RBM27: variants seen among roughly 807,000 people sequenced by gnomAD.
RBM27 encodes RNA binding motif protein 27.
RBM27 carries 22 observed loss-of-function variants against 135.3 expected under a neutral mutation model. The observed-to-expected ratio is 0.16, with a 90% CI of 0.12 to 0.23. The LOEUF (loss-of-function observed/expected upper bound fraction) is 0.23, where lower values mean the gene tolerates loss of function less well. Among genes scored for constraint, RBM27 ranks in the 10% least tolerant of loss-of-function variants. RBM27 has a pLI of 1.00. For synonymous variants in RBM27, 481 were observed against 442.4 expected, an observed-to-expected ratio of 1.09 and a Z score of -1.10; for missense variants, 1,009 against 1,281.0, an observed-to-expected ratio of 0.79 and a Z score of 3.24.
intron 20 of RBM27, among the ~76,000 whole-genome samples, chr5:146,285,123 G>T (rs1345198160): frequency 6.6e-6 from 1 of 152,004 alleles, no homozygotes; most frequent in Non-Finnish European, 1.5e-5. Context: ...TGTACAATTG[G>T]TTAAAATCAG....
intron 8 of RBM27, among the ~76,000 whole-genome samples, chr5:146,242,420 T>G (rs965269138): frequency 6.6e-6 from 1 of 152,234 alleles, no homozygotes; most frequent in Non-Finnish European, 1.5e-5. Context: ...TTGAAAGTTA[T>G]AGAATATTCA....
At chr5:146,241,518 G>A (rs1424349929) in intron 8 of RBM27, among the ~76,000 whole-genome samples, 3 of 152,196 alleles carry the variant, frequency 2.0e-5, no homozygotes, top group African/African-American at 7.2e-5. Flanking sequence ...GTCTTACTCT[G>A]TTGCCCAGGC....
At chr5:146,228,282 C>CTTTTTTTTTTTTTTTTTTTTTCTTTTT (rs1043361050) in intron 3 of RBM27, among the ~76,000 whole-genome samples, 1 of 111,858 alleles carries the variant, frequency 8.9e-6, no homozygotes. Flanking sequence ...ACCATTCTTT[C>CTTTTTTTTTTTTTTTTTTTTTCTTTTT]TTTTTTTTTT....
At chr5:146,246,144 A>G (rs900172814) in intron 8 of RBM27, among the ~76,000 whole-genome samples, 1 of 152,208 alleles carries the variant, frequency 6.6e-6, no homozygotes, top group Non-Finnish European at 1.5e-5. Context: ...GGTACCTTGT[A>G]TTCTAATCAA....
In RBM27 at chr5:146,238,534, C is replaced by T. The variant is rs139952689; in HGVS notation, c.1279+1102C>T. Among the ~76,000 whole-genome samples, 612 of 152,156 alleles carry T rather than the reference C, an allele frequency of 4.0e-3. 6 individuals are homozygous for T. The highest frequency in any genetic ancestry group is 0.014 in the African/African-American group (577 of 41,518). On this transcript the variant is annotated intron_variant, in intron 8 of 20. Coordinates refer to ENST00000265271, the MANE Select transcript of RBM27 (RefSeq NM_018989.2). ...GAAAACAAAAAACAAAATGATTTTTCTGGAATCCTAATTCTCTTTTGTTTC... is the reference window on the plus strand; with the variant it reads ...GAAAACAAAAAACAAAATGATTTTTTTGGAATCCTAATTCTCTTTTGTTTC...
chr5:146,263,681 A>G, intron 14 of RBM27, 50 bp downstream of exon 14: 13 of 1,588,188 alleles, frequency 8.2e-6, no homozygotes, highest in Non-Finnish European at 1.1e-5. Flanking sequence ...TCAGTGAATT[A>G]ACAGAATAAA....
At chr5:146,264,695 C>T in intron 14 of RBM27, among the ~76,000 whole-genome samples, 1 of 143,560 alleles carries the variant, frequency 7.0e-6, no homozygotes, top group East Asian at 2.0e-4. Flanking sequence ...AAGAAAACTG[C>T]TATCCCAAAA....
intron 8 of RBM27, among the ~76,000 whole-genome samples, chr5:146,240,112 G>T (rs1757339533): frequency 6.6e-6 from 1 of 151,868 alleles, no homozygotes; most frequent in South Asian, 2.1e-4. Context: ...TTCCTTCTTG[G>T]CAATCTTTGT....
At chr5:146,217,464 G>GTTTTTTTTTTTTTTTTTTTT (rs545963169) in intron 1 of RBM27, among the ~76,000 whole-genome samples, 3 of 70,768 alleles carry the variant, frequency 4.2e-5, no homozygotes, top group African/African-American at 1.8e-4. Flanking sequence ...GCTGAAGCCT[G>GTTTTTTTTTTTTTTTTTTTT]TTTTTTTTTT....
At chr5:146,284,853 G>A in intron 20 of RBM27, 121 bp downstream of exon 20, 1 of 596,644 alleles carries the variant, frequency 1.7e-6, no homozygotes, top group South Asian at 2.4e-5. Context: ...TGCAAATTAA[G>A]ACCCGTTTAG....
chr5:146,217,431 G>A (rs752938395), intron 1 of RBM27, among the ~76,000 whole-genome samples: 2 of 147,386 alleles, frequency 1.4e-5, no homozygotes, highest in Non-Finnish European at 3.0e-5. Context: ...TAAAGTTATT[G>A]GAAATGTGAT....
intron 11 of RBM27, among the ~76,000 whole-genome samples, chr5:146,259,515 A>AT (rs1390272216): frequency 6.6e-6 from 1 of 151,718 alleles, no homozygotes; most frequent in African/African-American, 2.4e-5. Context: ...AAAAAAAAAA[A>AT]AAAAAAAAAA....
intron 20 of RBM27, 43 bp downstream of exon 20, chr5:146,284,775 C>T (rs771525444): frequency 3.4e-6 from 4 of 1,168,948 alleles, no homozygotes; most frequent in Non-Finnish European, 5.0e-6. Context: ...TAGATCACTT[C>T]TCAATTATGT....
intron 7 of RBM27, among the ~76,000 whole-genome samples, chr5:146,234,279 A>T (rs544655389): frequency 6.6e-4 from 100 of 152,204 alleles, no homozygotes; most frequent in Admixed American, 2.2e-3. Context: ...TATTAAAAAA[A>T]TTTTTTTTAT....
At chr5:146,212,670 A>T (rs1311968024) in intron 1 of RBM27, among the ~76,000 whole-genome samples, 8 of 152,090 alleles carry the variant, frequency 5.3e-5, no homozygotes, top group African/African-American at 1.4e-4. Context: ...ATAATTTTTT[A>T]AAAAACATTT....
chr5:146,263,412 A>G lies in RBM27; in HGVS notation c.2191-79A>G, dbSNP rs1461355569. 7.2e-6 allele frequency: 10 copies of G among 1,395,064 alleles called. No individual in the cohort carries two copies. In the Admixed American group the frequency reaches 1.8e-4, roughly 26 times the overall value. 86.4% of individuals were successfully genotyped at this position (1,395,064 alleles called of 1,614,324 possible). ...CCCATTTTCTTATCTTCTTCCCTAG[A>G]GTAATCATCTTAAATTTGTACCATT... On this transcript the variant is annotated intron_variant, in intron 13 of 20. Transcript: ENST00000265271.
At position 146,260,647 on chromosome 5, in the gene RBM27, C is replaced by T; in HGVS notation, c.1740-98C>T. On this transcript the variant is annotated intron_variant, in intron 11 of 20. Coordinates refer to ENST00000265271, the MANE Select transcript of RBM27 (RefSeq NM_018989.2). Reference sequence around the variant, plus strand: ...AGCCACCATGCCCAGCCACAAAAGGCACTTAAAAAAATTATAAACCTAAAT... The same window carrying T: ...AGCCACCATGCCCAGCCACAAAAGGTACTTAAAAAAATTATAAACCTAAAT... 1.0e-5 allele frequency: 10 copies of T among 1,004,586 alleles called. No individual in the cohort carries two copies. In the Middle Eastern group the frequency reaches 2.3e-3, roughly 234 times the overall value. The allele number at this position is 1,004,586 out of a possible 1,614,324, so 62.2% of individuals were successfully genotyped here. A position where few individuals can be genotyped will look rare whatever the true frequency, so the allele number is the denominator to read the frequency against.
At chr5:146,203,909 G>C (rs539289830) in intron 1 of RBM27, 85 bp downstream of exon 1, 2 of 1,262,092 alleles carry the variant, frequency 1.6e-6, no homozygotes, top group Non-Finnish European at 2.2e-6. Flanking sequence ...TGGCGTGGGG[G>C]GCGGCGCTGA....
intron 6 of RBM27, among the ~76,000 whole-genome samples, chr5:146,232,712 G>T (rs990852439): frequency 2.0e-5 from 3 of 152,076 alleles, no homozygotes; most frequent in African/African-American, 7.2e-5. Context: ...GGGACTACAA[G>T]CGCGTGCCAC....
Sources: gnomAD v4.1 joint callset for allele counts (sites outside exome capture counted in the v4.1 genomes callset) on GRCh38, gnomAD v4.1.1 for gene constraint, MANE v1.5 for transcripts, NCBI Gene and HGNC (gene_info 2026-07-23, HGNC 2026-07-21) for gene names.